Variants in BCL2 observed in about 807,000 individuals in gnomAD.
BCL2 encodes the protein apoptosis regulator Bcl-2.
A neutral mutation model predicts 14.2 loss-of-function variants in BCL2; 1 was observed. The observed-to-expected ratio is 0.07, with a 90% CI of 0.02 to 0.33. BCL2 has a LOEUF of 0.33. Ranked by LOEUF, BCL2 falls within the 10% of genes least tolerant of loss-of-function variation. BCL2 has a pLI of 0.99. For synonymous variants in BCL2, 151 were observed against 137.2 expected (o/e 1.10, Z -0.70); for missense variants, 247 against 305.9 (o/e 0.81, Z 1.44).
chr18:63,161,046 T>A (rs1914908999), intron 2 of BCL2, among the ~76,000 whole-genome samples: 1 of 152,202 alleles, frequency 6.6e-6, no homozygotes, highest in African/African-American at 2.4e-5. Flanking sequence ...TAATTTTTTT[T>A]AAATCACTTT....
chr18:63,139,157 G>A (rs1479048883), intron 2 of BCL2, among the ~76,000 whole-genome samples: 4 of 152,274 alleles, frequency 2.6e-5, no homozygotes, highest in East Asian at 1.9e-4. Context: ...CCCTACTGCC[G>A]CACTAGCTAT....
intron 2 of BCL2, among the ~76,000 whole-genome samples, chr18:63,183,496 C>T (rs957112881): frequency 6.6e-6 from 1 of 152,206 alleles, no homozygotes; most frequent in African/African-American, 2.4e-5. Flanking sequence ...TCATGAGAGA[C>T]AGCTGCAGAT....
chr18:63,302,236 G>A, intron 2 of BCL2: 1 of 644,898 alleles, frequency 1.6e-6, no homozygotes. Context: ...GGGAGGCTGA[G>A]GTTGCAGTGA....
At position 63,200,261 on chromosome 18, in the gene BCL2, T is replaced by C. The variant is rs1301137697; in HGVS notation, c.586-71502A>G. Reference sequence around the variant, plus strand: ...GAGTGAAGCAGAACCCACATTTCACTGGAATCCTTACTTTTAGGTATTTGC... The same window carrying C: ...GAGTGAAGCAGAACCCACATTTCACCGGAATCCTTACTTTTAGGTATTTGC... On this transcript the variant is annotated intron_variant, in intron 2 of 2. Transcript: ENST00000333681. Among the ~76,000 whole-genome samples the C allele has an allele frequency of 3.9e-5, 6 of 152,338 alleles. No homozygotes were observed. The East Asian group carries it at 1.2e-3, about 29-fold the overall frequency.
At chr18:63,191,953 A>T (rs1743797951) in intron 2 of BCL2, among the ~76,000 whole-genome samples, 1 of 152,206 alleles carries the variant, frequency 6.6e-6, no homozygotes, top group South Asian at 2.1e-4. Flanking sequence ...GTTACATTTA[A>T]ATCATCTACA....
intron 2 of BCL2, among the ~76,000 whole-genome samples, chr18:63,214,692 CTTTTTTATTTAT>C (rs1421396541): frequency 1.3e-5 from 2 of 150,876 alleles, no homozygotes; most frequent in East Asian, 3.9e-4. Flanking sequence ...CATTTCTTTT[CTTTTTTATTTAT>C]TTATTTATTT....
In BCL2 at chr18:63,227,400, G is replaced by A. The variant is rs149475493; in HGVS notation, c.585+90682C>T. ...TTTTTTGTATTTTTGGTAGAGACGT[G>A]GTTTCACCGTATTGCCCAGGCTAGT... On this transcript the variant is annotated intron_variant, in intron 2 of 2. Coordinates refer to ENST00000333681, the MANE Select transcript of BCL2 (RefSeq NM_000633.3). 4.5e-3 allele frequency among the ~76,000 whole-genome samples: 678 copies of A among 152,236 alleles called. 6 individuals are homozygous for A. Among genetic ancestry groups the A allele is most frequent in the Admixed American group, 0.022 (330 of 15,290 alleles).
At chr18:63,148,341 A>C (rs1009995401) in intron 2 of BCL2, among the ~76,000 whole-genome samples, 2 of 152,234 alleles carry the variant, frequency 1.3e-5, no homozygotes, top group African/African-American at 4.8e-5. Context: ...GCGAGTCATA[A>C]TAAAAGAAAA....
intron 2 of BCL2, among the ~76,000 whole-genome samples, chr18:63,163,320 T>C (rs1005535871): frequency 6.6e-6 from 1 of 152,132 alleles, no homozygotes; most frequent in African/African-American, 2.4e-5. Context: ...TCTCCAATAG[T>C]TCATCACATC....
At chr18:63,210,557 T>C (rs1909970604) in intron 2 of BCL2, among the ~76,000 whole-genome samples, 1 of 152,188 alleles carries the variant, frequency 6.6e-6, no homozygotes, top group Admixed American at 6.5e-5. Flanking sequence ...AGCACATATA[T>C]TAATTTAAAA....
At chr18:63,166,981 G>C (rs1915061963) in intron 2 of BCL2, among the ~76,000 whole-genome samples, 2 of 152,192 alleles carry the variant, frequency 1.3e-5, no homozygotes, top group African/African-American at 4.8e-5. Context: ...ATGGTCGCAT[G>C]CTCCAGCCAG....
intron 2 of BCL2, among the ~76,000 whole-genome samples, chr18:63,267,756 G>A (rs1369913200): frequency 6.6e-6 from 1 of 152,128 alleles, no homozygotes; most frequent in Non-Finnish European, 1.5e-5. Flanking sequence ...TGCCACCAAT[G>A]GTCCCTCTGG....
intron 2 of BCL2, among the ~76,000 whole-genome samples, chr18:63,169,336 C>CCTT (rs1555697353): frequency 3.2e-5 from 2 of 62,054 alleles, no homozygotes; most frequent in South Asian, 6.5e-4. Flanking sequence ...TCCTTTCCTT[C>CCTT]CTTTCTTTCT....
chr18:63,199,539 GCA>G (rs1349989023), intron 2 of BCL2, among the ~76,000 whole-genome samples: 1 of 147,454 alleles, frequency 6.8e-6, no homozygotes, highest in East Asian at 2.0e-4. Context: ...ACAGACACAT[GCA>G]CAGACCCACA....
chr18:63,193,257 ATT>A (rs941056329), intron 2 of BCL2, among the ~76,000 whole-genome samples: 1 of 152,178 alleles, frequency 6.6e-6, no homozygotes, highest in Non-Finnish European at 1.5e-5. Flanking sequence ...TAACAACTAC[ATT>A]TCAAATGATG....
intron 2 of BCL2, among the ~76,000 whole-genome samples, chr18:63,167,919 C>G (rs148080107): frequency 0.012 from 1,815 of 146,196 alleles, 34 homozygotes; most frequent in African/African-American, 0.044. Context: ...GAGTGAGACT[C>G]CGTCTCAAAA....
chr18:63,128,558 C>A lies in BCL2; in HGVS notation c.*67G>T, dbSNP rs1599196340. 4 of 756,466 alleles carry A rather than the reference C, an allele frequency of 5.3e-6. No homozygotes were observed. The East Asian group carries it at 7.3e-5, about 14-fold the overall frequency. 46.9% of individuals were successfully genotyped at this position (756,466 alleles called of 1,614,324 possible). Reference sequence around the variant, plus strand: ...GCTTTGTTTCATGGTACATCACTGACAATGCATATTATTTCTACTGCTTTA... The same window carrying A: ...GCTTTGTTTCATGGTACATCACTGAAAATGCATATTATTTCTACTGCTTTA... On this transcript the variant is annotated 3_prime_UTR_variant, in exon 3 of 3. Transcript: ENST00000333681.
intron 2 of BCL2, among the ~76,000 whole-genome samples, chr18:63,201,972 T>TATA (rs1329303358): frequency 6.6e-6 from 1 of 151,980 alleles, no homozygotes; most frequent in East Asian, 1.9e-4. Context: ...GAAATTAAAG[T>TATA]ATAATAATAA....
rs1166748320 is a variant in BCL2 at position 63,133,582 on chromosome 18, CT to C, written c.586-4824del. Among the ~76,000 whole-genome samples, 5 of 152,268 alleles carry C rather than the reference CT, an allele frequency of 3.3e-5. 1 individual carries two copies. The highest frequency in any genetic ancestry group is 1.2e-4 in the African/African-American group (5 of 41,562). On this transcript the variant is annotated intron_variant, in intron 2 of 2. Coordinates refer to ENST00000333681, the MANE Select transcript of BCL2 (RefSeq NM_000633.3). ...GGATTACAGGCATGAGCCACCACCCCTGGTCCACTTCGAGAAATTTCACGTA... is the reference window on the plus strand; with the variant it reads ...GGATTACAGGCATGAGCCACCACCCCGGTCCACTTCGAGAAATTTCACGTA...
Sources: allele counts gnomAD v4.1 joint callset (sites outside exome capture counted in the v4.1 genomes callset), GRCh38; gene constraint gnomAD v4.1.1; transcripts MANE v1.5; gene names NCBI Gene and HGNC (gene_info 2026-07-23, HGNC 2026-07-21).